NCAPH: variants seen among roughly 807,000 people sequenced by gnomAD.
NCAPH encodes condensin complex subunit 2.
NCAPH carries 38 observed loss-of-function variants against 85.5 expected under a neutral mutation model. The ratio of observed to expected loss-of-function variants is 0.44; its 90% CI spans 0.34 to 0.58. NCAPH has a LOEUF of 0.58. Among genes scored for constraint, NCAPH ranks in the 20% least tolerant of loss-of-function variants. NCAPH has a pLI of 0.01. For missense variants in NCAPH, 789 were observed against 916.6 expected (o/e 0.86, Z 1.80); for synonymous variants, 301 against 335.1 (o/e 0.90, Z 1.11).
intron 14 of NCAPH, among the ~76,000 whole-genome samples, chr2:96,366,630 G>A (rs1332540900): frequency 6.6e-6 from 1 of 152,238 alleles, no homozygotes; most frequent in African/African-American, 2.4e-5. Context: ...TGTAATCCCA[G>A]CACTTTGGGA....
chr2:96,340,488 T>C (rs1266255494), intron 1 of NCAPH, among the ~76,000 whole-genome samples: 1 of 150,668 alleles, frequency 6.6e-6, no homozygotes, highest in Non-Finnish European at 1.5e-5. Flanking sequence ...TCTCCCGGGT[T>C]CAAGCGATTA....
rs183843976 is a variant in NCAPH, at chr2:96,339,657, T to C, written c.20-1985T>C. Among the ~76,000 whole-genome samples, 557 of 151,978 alleles carry C rather than the reference T, an allele frequency of 3.7e-3. 6 individuals carry two copies. In the Middle Eastern group the frequency reaches 0.048, roughly 13 times the overall value. On this transcript the variant is annotated intron_variant, in intron 1 of 17. Coordinates refer to ENST00000240423, the MANE Select transcript of NCAPH (RefSeq NM_015341.5). ...CATCGTTTGCTGTCTCCAGTTTCTC[T>C]TCTCCCATCTTCACTTGAACCACTC...
chr2:96,343,092 G>A (rs2064316523), intron 4 of NCAPH, 74 bp from the exon 5 acceptor site: 3 of 1,572,844 alleles, frequency 1.9e-6, no homozygotes, highest in East Asian at 2.3e-5. Flanking sequence ...ATTTTGTGAA[G>A]CTTGCTGTGT....
At chr2:96,343,605 G>A (rs1237940954) in intron 5 of NCAPH, among the ~76,000 whole-genome samples, 3 of 152,162 alleles carry the variant, frequency 2.0e-5, no homozygotes, top group Non-Finnish European at 4.4e-5. Context: ...TGCGTGAGAA[G>A]CCAAATCTAA....
intron 6 of NCAPH, among the ~76,000 whole-genome samples, chr2:96,347,725 A>T (rs1322140045): frequency 6.6e-6 from 1 of 152,202 alleles, no homozygotes; most frequent in African/African-American, 2.4e-5. Flanking sequence ...TGTAATTAAT[A>T]AATAAGCCAG....
intron 1 of NCAPH, 96 bp from the exon 2 acceptor site, chr2:96,341,546 T>C (rs1332975223): frequency 7.0e-7 from 1 of 1,432,152 alleles, no homozygotes; most frequent in Non-Finnish European, 9.5e-7. Flanking sequence ...CAGTGGACAG[T>C]GTGTGGTGAA....
chr2:96,343,298 G>A lies in NCAPH; in HGVS notation c.589G>A (p.Val197Ile), dbSNP rs1161169918. The A allele has an allele frequency of 6.2e-7, 1 of 1,612,356 alleles. No individual in the cohort carries two copies. Among genetic ancestry groups the A allele is most frequent in the East Asian group, 2.2e-5 (1 of 44,844 alleles). ...APSLEEVEGHVADGSATEMGT... is the reference protein window; with the variant it reads ...APSLEEVEGHIADGSATEMGT... ...GTCTTTGGAAGAAGTAGAAGGCCAT[G>A]TTGCTGGTAGGTGGGTAGGGATCTG... is the stretch of plus-strand genomic sequence containing the variant. The change falls in exon 5 of 18, where the codon GTT (valine) becomes ATT (isoleucine). Residue 197 changes from valine to isoleucine, a missense_variant. Physicochemically the swap from Val to Ile is conservative, Grantham distance 29 (BLOSUM62 3). Coordinates refer to ENST00000240423, the MANE Select transcript of NCAPH (RefSeq NM_015341.5).
At chr2:96,340,651 A>G (rs777802500) in intron 1 of NCAPH, among the ~76,000 whole-genome samples, 1 of 151,982 alleles carries the variant, frequency 6.6e-6, no homozygotes, top group African/African-American at 2.4e-5. Flanking sequence ...CGGCCTCCCA[A>G]AGTGTTGGGA....
At chr2:96,362,465 A>G (rs1296984299) in intron 12 of NCAPH, among the ~76,000 whole-genome samples, 1 of 152,192 alleles carries the variant, frequency 6.6e-6, no homozygotes, top group Admixed American at 6.5e-5. Context: ...CCCCGTCTCT[A>G]CTAAAAATAC....
chr2:96,355,495 C>T (rs1227404092), intron 9 of NCAPH, among the ~76,000 whole-genome samples: 1 of 152,098 alleles, frequency 6.6e-6, no homozygotes, highest in Non-Finnish European at 1.5e-5. Flanking sequence ...TTGTGGGAAA[C>T]GATTAGGCTG....
chr2:96,360,678 C>G lies in NCAPH; in HGVS notation c.1555C>G (p.Leu519Val), dbSNP rs1454470292. ...AGATTTCAACTACAATGTTGACACT[C>G]TGGTCCAGCTTCACCTCAAACCAGG... ...PTDFNYNVDT[L>V]VQLHLKPGTR... Residue 519 changes from leucine (L) to valine (V), a missense_variant, in exon 12 of 18, where the codon CTG becomes GTG. By Grantham distance (32) the Leu-to-Val change is conservative (BLOSUM62 1). Transcript: ENST00000240423. 1.2e-6 allele frequency: 2 copies of G among 1,614,200 alleles called. No homozygotes were observed. Among genetic ancestry groups the G allele is most frequent in the South Asian group, 1.1e-5 (1 of 91,080 alleles).
intron 7 of NCAPH, 48 bp downstream of exon 7, chr2:96,352,068 AT>A: frequency 2.0e-6 from 3 of 1,505,320 alleles, no homozygotes; most frequent in Non-Finnish European, 2.7e-6. Context: ...TCATTGGGGA[AT>A]TTTTTTACAT....
At chr2:96,345,895 A>G (rs1030850857) in intron 6 of NCAPH, among the ~76,000 whole-genome samples, 2 of 152,204 alleles carry the variant, frequency 1.3e-5, no homozygotes, top group Non-Finnish European at 2.9e-5. Flanking sequence ...AGGACTGAAA[A>G]CACTTGAATA....
At chr2:96,358,923 TTAA>T in intron 9 of NCAPH, 119 bp from the exon 10 acceptor site, 1 of 908,312 alleles carries the variant, frequency 1.1e-6, no homozygotes, top group Non-Finnish European at 1.6e-6. Context: ...AAAGGAATTA[TTAA>T]TAATGAAGTT....
chr2:96,362,033 T>TA (rs1283275427), intron 12 of NCAPH, among the ~76,000 whole-genome samples: 1 of 151,594 alleles, frequency 6.6e-6, no homozygotes, highest in African/African-American at 2.4e-5. Context: ...CGTGAGCCGT[T>TA]ACACCTGGCC....
At chr2:96,349,012 C>T (rs1203331727) in intron 6 of NCAPH, among the ~76,000 whole-genome samples, 1 of 152,164 alleles carries the variant, frequency 6.6e-6, no homozygotes, top group Admixed American at 6.5e-5. Context: ...TTATTAAGTA[C>T]AGGATGTTTG....
rs974660100 is a variant in NCAPH at position 96,365,936 on chromosome 2, G to A, written c.1759G>A (p.Asp587Asn). 6.2e-7 allele frequency: 1 copy of A among 1,614,064 alleles called. No individual in the cohort carries two copies. Among genetic ancestry groups the A allele is most frequent in the African/African-American group, 1.3e-5 (1 of 74,938 alleles). Residue 587 changes from aspartate to asparagine, a missense_variant, in exon 14 of 18, where the codon GAC becomes AAC. Transcript: ENST00000240423. ...ATTTGTGGGACCTGTTGGGAACTCT[G>A]ACCTCTCACCTTATCCTTGCCATCC... ...DLFVGPVGNS[D>N]LSPYPCHPPK...
chr2:96,347,997 G>T (rs1413676398), intron 6 of NCAPH, among the ~76,000 whole-genome samples: 1 of 152,214 alleles, frequency 6.6e-6, no homozygotes, highest in East Asian at 1.9e-4. Flanking sequence ...GTGTGTGTCA[G>T]CATTAACCGT....
At chr2:96,370,256 C>T (rs139369083) in intron 17 of NCAPH, among the ~76,000 whole-genome samples, 17 of 152,340 alleles carry the variant, frequency 1.1e-4, no homozygotes, top group Non-Finnish European at 2.1e-4. Context: ...ATGGCGTGTG[C>T]GGCAAGCACC....
Sources: allele counts gnomAD v4.1 joint callset (sites outside exome capture counted in the v4.1 genomes callset), GRCh38; gene constraint gnomAD v4.1.1; transcripts MANE v1.5; gene names NCBI Gene and HGNC (gene_info 2026-07-23, HGNC 2026-07-21).